CCDC91: variants seen among roughly 807,000 people sequenced by gnomAD.
CCDC91 encodes the protein coiled-coil domain-containing protein 91.
CCDC91 carries 48 observed loss-of-function variants against 63.2 expected under a neutral mutation model. The observed-to-expected ratio is 0.76, with a 90% CI of 0.60 to 0.97. The LOEUF (loss-of-function observed/expected upper bound fraction) is 0.97, where lower values mean the gene tolerates loss of function less well. Among genes scored for constraint, CCDC91 ranks in the 50% least tolerant of loss-of-function variants. CCDC91 has a pLI of 0.00. For synonymous variants in CCDC91, 167 were observed against 165.8 expected (o/e 1.01, Z -0.06); for missense variants, 500 against 494.6 (o/e 1.01, Z -0.10).
chr12:28,192,827 A>G (rs966882825), intron 1 of CCDC91, among the ~76,000 whole-genome samples: 4 of 152,200 alleles, frequency 2.6e-5, no homozygotes, highest in Non-Finnish European at 5.9e-5. Flanking sequence ...ATTGCTGTAT[A>G]AAGTCTGACA....
chr12:28,407,045 A>G (rs1228503291), intron 8 of CCDC91, among the ~76,000 whole-genome samples: 2 of 152,086 alleles, frequency 1.3e-5, no homozygotes, highest in Admixed American at 6.6e-5. Flanking sequence ...TATCCTCATG[A>G]CAGTAAGTTC....
chr12:28,311,538 A>G (rs1237822606), intron 6 of CCDC91, among the ~76,000 whole-genome samples: 1 of 151,976 alleles, frequency 6.6e-6, no homozygotes, highest in African/African-American at 2.4e-5. Context: ...AGGTGGTTTA[A>G]AAATAAAGGC....
chr12:28,480,036 G>T (rs146870691), intron 11 of CCDC91, among the ~76,000 whole-genome samples: 1 of 151,846 alleles, frequency 6.6e-6, no homozygotes, highest in Non-Finnish European at 1.5e-5. Context: ...AAGCCTTCAG[G>T]GTCCCCACTA....
chr12:28,362,461 A>G lies in CCDC91; in HGVS notation c.600A>G (p.Glu200=), dbSNP rs754199961. The G allele has an allele frequency of 6.3e-7, 1 of 1,595,020 alleles. No individual in the cohort carries two copies. Among genetic ancestry groups the G allele is most frequent in the South Asian group, 1.1e-5 (1 of 87,146 alleles). ...ELQEKHKQEL[E]DMRKAGHEAL... ...AGGAAAAACATAAACAAGAATTGGA[A>G]GACATGAGGAAAGCTGGTCACGAAG... is the stretch of plus-strand genomic sequence containing the variant. The change falls in exon 7 of 13, where the codon GAA becomes GAG. Residue 200 remains glutamate (E), a synonymous_variant. Coordinates refer to ENST00000536442, the MANE Select transcript of CCDC91 (RefSeq NM_018318.5).
intron 11 of CCDC91, among the ~76,000 whole-genome samples, chr12:28,472,438 AAG>A (rs769430709): frequency 5.9e-5 from 9 of 152,138 alleles, no homozygotes; most frequent in Non-Finnish European, 1.2e-4. Context: ...AATGAGAAAA[AAG>A]TTAACAATTT....
chr12:28,534,343 T>C (rs1472114017), intron 12 of CCDC91, among the ~76,000 whole-genome samples: 2 of 152,200 alleles, frequency 1.3e-5, no homozygotes, highest in East Asian at 3.8e-4. Context: ...TTTATACAAC[T>C]TTTTTATGAA....
intron 6 of CCDC91, among the ~76,000 whole-genome samples, chr12:28,347,872 C>G (rs529227595): frequency 6.6e-6 from 1 of 152,118 alleles, no homozygotes; most frequent in East Asian, 1.9e-4. Flanking sequence ...CACCCCCTCT[C>G]CCCCAGATCA....
chr12:28,242,612 A>AACCT (rs902213815), intron 1 of CCDC91, among the ~76,000 whole-genome samples: 4 of 152,052 alleles, frequency 2.6e-5, no homozygotes, highest in Non-Finnish European at 5.9e-5. Flanking sequence ...GAGAGCAAGG[A>AACCT]ACCTGTGAGT....
chr12:28,388,249 A>G lies in CCDC91; in HGVS notation c.655-3055A>G, dbSNP rs556714106. On this transcript the variant is annotated intron_variant, in intron 7 of 12. Coordinates refer to ENST00000536442, the MANE Select transcript of CCDC91 (RefSeq NM_018318.5). The stretch of plus-strand genomic sequence containing the variant: ...TTGTTTATTTTTTTCTTGCTGTTGT[A>G]AGTCCTAGCCAGAGCAATCAGACAA... Among the ~76,000 whole-genome samples the G allele has an allele frequency of 2.0e-5, 3 of 152,164 alleles. No homozygotes were observed. The South Asian group carries it at 6.2e-4, about 32-fold the overall frequency.
intron 12 of CCDC91, among the ~76,000 whole-genome samples, chr12:28,519,052 T>C (rs534869677): frequency 6.6e-6 from 1 of 152,096 alleles, no homozygotes; most frequent in East Asian, 1.9e-4. Flanking sequence ...CCATATGAAT[T>C]TGGGGATAGT....
At chr12:28,246,599 A>T (rs1945752797) in intron 1 of CCDC91, among the ~76,000 whole-genome samples, 1 of 152,122 alleles carries the variant, frequency 6.6e-6, no homozygotes, top group South Asian at 2.1e-4. Context: ...TGGAGTTGAG[A>T]TTGACATGAT....
rs77276335 is a variant in CCDC91 at position 28,386,324 on chromosome 12, C to T, written c.655-4980C>T. On this transcript the variant is annotated intron_variant, in intron 7 of 12. Transcript: ENST00000536442. ...AAAAGCTGTTCATGAAGTTATAGTT[C>T]CCGTATTAAGAGACCTACAAATTTT... Among the ~76,000 whole-genome samples the T allele has an allele frequency of 9.2e-3, 1,400 of 152,170 alleles. 27 individuals carry two copies. Among genetic ancestry groups the T allele is most frequent in the African/African-American group, 0.032 (1,331 of 41,508 alleles).
chr12:28,527,853 G>A (rs1941402983), intron 12 of CCDC91, among the ~76,000 whole-genome samples: 1 of 152,186 alleles, frequency 6.6e-6, no homozygotes, highest in South Asian at 2.1e-4. Flanking sequence ...CCTCTGTTGT[G>A]TCATGCAGGT....
chr12:28,463,490 TA>T (rs1158688426), intron 11 of CCDC91, among the ~76,000 whole-genome samples: 1 of 152,188 alleles, frequency 6.6e-6, no homozygotes, highest in African/African-American at 2.4e-5. Context: ...AGAAAAAGTC[TA>T]AACATAAGAA....
At chr12:28,398,345 AG>A (rs1306892521) in intron 8 of CCDC91, among the ~76,000 whole-genome samples, 1 of 152,132 alleles carries the variant, frequency 6.6e-6, no homozygotes, top group Non-Finnish European at 1.5e-5. Context: ...TCATCCATAT[AG>A]TCACATGTAT....
chr12:28,368,878 C>T (rs535635588), intron 7 of CCDC91, among the ~76,000 whole-genome samples: 7 of 151,566 alleles, frequency 4.6e-5, no homozygotes, highest in Middle Eastern at 3.4e-3. Context: ...ACTTTTAAAC[C>T]GTCAGATCTT....
chr12:28,329,492 T>A (rs1449630476), intron 6 of CCDC91, among the ~76,000 whole-genome samples: 1 of 152,108 alleles, frequency 6.6e-6, no homozygotes, highest in Non-Finnish European at 1.5e-5. Context: ...TATGATAAGG[T>A]CTACATATAC....
chr12:28,500,657 A>T (rs1937706427), intron 12 of CCDC91, among the ~76,000 whole-genome samples: 1 of 151,748 alleles, frequency 6.6e-6, no homozygotes, highest in South Asian at 2.1e-4. Flanking sequence ...TCTAATGAAA[A>T]TTTATCTACC....
chr12:28,495,571 C>T (rs779246456), intron 12 of CCDC91, among the ~76,000 whole-genome samples: 8 of 151,668 alleles, frequency 5.3e-5, no homozygotes, highest in African/African-American at 1.7e-4. Context: ...CACCAGCATT[C>T]GTAGCCTACA....
Sources: gnomAD v4.1 joint callset for allele counts (sites outside exome capture counted in the v4.1 genomes callset) on GRCh38, gnomAD v4.1.1 for gene constraint, MANE v1.5 for transcripts, NCBI Gene and HGNC (gene_info 2026-07-23, HGNC 2026-07-21) for gene names.